SDCCAG8: variants seen among roughly 807,000 people sequenced by gnomAD.
SDCCAG8 encodes serologically defined colon cancer antigen 8.
Under a neutral mutation model 101.8 loss-of-function variants are expected in SDCCAG8, and 74 were observed. The observed-to-expected ratio is 0.73, with a 90% CI of 0.60 to 0.88. The LOEUF is 0.88. Among genes scored for constraint, SDCCAG8 ranks in the 40% least tolerant of loss-of-function variants. The pLI is 0.00. For missense variants in SDCCAG8, 787 were observed against 822.6 expected, an observed-to-expected ratio of 0.96 and a Z score of 0.53; for synonymous variants, 281 against 292.9, an observed-to-expected ratio of 0.96 and a Z score of 0.41.
chr1:243,411,322 G>T (rs899214038), intron 13 of SDCCAG8, among the ~76,000 whole-genome samples: 3 of 151,818 alleles, frequency 2.0e-5, no homozygotes, highest in Non-Finnish European at 4.4e-5. Flanking sequence ...GCACCAGGTT[G>T]CCCAGGCTGG....
chr1:243,362,923 G>A (rs1558356962), intron 12 of SDCCAG8, among the ~76,000 whole-genome samples: 1 of 152,190 alleles, frequency 6.6e-6, no homozygotes, highest in Non-Finnish European at 1.5e-5. Context: ...ACAACTGGGT[G>A]GTGAATATAG....
At chr1:243,452,933 TG>T (rs2083475258) in intron 16 of SDCCAG8, among the ~76,000 whole-genome samples, 1 of 152,228 alleles carries the variant, frequency 6.6e-6, no homozygotes, top group African/African-American at 2.4e-5. Context: ...CTTACTCTGT[TG>T]TTTTCCTTCT....
intron 9 of SDCCAG8, among the ~76,000 whole-genome samples, chr1:243,326,541 G>T (rs2074162893): frequency 6.6e-6 from 1 of 152,132 alleles, no homozygotes; most frequent in African/African-American, 2.4e-5. Context: ...TTGAAAAATG[G>T]TACATAGGGA....
chr1:243,463,320 G>T (rs1267060538), intron 16 of SDCCAG8, among the ~76,000 whole-genome samples: 1 of 152,282 alleles, frequency 6.6e-6, no homozygotes, highest in Admixed American at 6.5e-5. Flanking sequence ...TGGCTAGGGA[G>T]AGGCAGTGTA....
intron 16 of SDCCAG8, among the ~76,000 whole-genome samples, chr1:243,429,322 A>C (rs1259671579): frequency 6.6e-6 from 1 of 152,194 alleles, no homozygotes; most frequent in Non-Finnish European, 1.5e-5. Flanking sequence ...TAACATATAA[A>C]TATGTGTTAA....
chr1:243,495,206 C>G (rs1667489412), intron 17 of SDCCAG8, among the ~76,000 whole-genome samples: 1 of 152,230 alleles, frequency 6.6e-6, no homozygotes, highest in South Asian at 2.1e-4. Context: ...GGCCTCCACC[C>G]CGGCCTCATG....
At chr1:243,438,170 C>A (rs894024575) in intron 16 of SDCCAG8, among the ~76,000 whole-genome samples, 1 of 152,120 alleles carries the variant, frequency 6.6e-6, no homozygotes, top group Non-Finnish European at 1.5e-5. Flanking sequence ...TGTGCGCATC[C>A]GGGGGGAGGA....
intron 12 of SDCCAG8, among the ~76,000 whole-genome samples, chr1:243,366,854 C>T (rs956896722): frequency 6.6e-6 from 1 of 151,774 alleles, no homozygotes; most frequent in African/African-American, 2.4e-5. Flanking sequence ...GGTATATATA[C>T]ATGTATATAA....
chr1:243,378,806 A>G lies in SDCCAG8; in HGVS notation c.1559A>G (p.Glu520Gly). The G allele has an allele frequency of 5.0e-6, 8 of 1,614,136 alleles. No individual in the cohort carries two copies. The highest frequency in any genetic ancestry group is 6.8e-6 in the Non-Finnish European group (8 of 1,179,998). The change falls in exon 13 of 18, where the codon GAG becomes GGG. Residue 520 changes from glutamate (E) to glycine (G), a missense_variant. By Grantham distance (98) the Glu-to-Gly change is moderately conservative. Transcript: ENST00000366541. ...EQQKAALARE[E>G]CLRLTELLGE... The stretch of plus-strand genomic sequence containing the variant: ...CAGAAGGCAGCCCTGGCCAGAGAGG[A>G]GTGCCTGAGACTAACAGAACTGCTG...
intron 13 of SDCCAG8, among the ~76,000 whole-genome samples, chr1:243,399,473 A>C (rs2079231151): frequency 6.6e-6 from 1 of 152,110 alleles, no homozygotes; most frequent in Non-Finnish European, 1.5e-5. Context: ...GTAATTACGA[A>C]GTTCACTTCT....
At chr1:243,284,218 GTA>G (rs1282885604) in intron 4 of SDCCAG8, among the ~76,000 whole-genome samples, 3 of 152,220 alleles carry the variant, frequency 2.0e-5, no homozygotes, top group Non-Finnish European at 2.9e-5. Context: ...ACTGAGGTAA[GTA>G]GGCCTTTAGC....
At chr1:243,426,301 A>G (rs779469794) in intron 15 of SDCCAG8, 126 bp from the exon 16 acceptor site, 29 of 814,978 alleles carry the variant, frequency 3.6e-5, no homozygotes, top group Non-Finnish European at 5.6e-5. Context: ...TTTGCAAAGG[A>G]TGTAGTTTTC....
chr1:243,322,547 C>T (rs1171544559), intron 9 of SDCCAG8, among the ~76,000 whole-genome samples: 1 of 152,142 alleles, frequency 6.6e-6, no homozygotes, highest in South Asian at 2.1e-4. Flanking sequence ...TGCACTAGTC[C>T]CTTGGTTACA....
At chr1:243,421,374 C>G (rs1249597295) in intron 15 of SDCCAG8, among the ~76,000 whole-genome samples, 1 of 152,202 alleles carries the variant, frequency 6.6e-6, no homozygotes, top group Admixed American at 6.5e-5. Context: ...CACGTACGCC[C>G]TTACTCTCTG....
In SDCCAG8 at chr1:243,348,248, C is replaced by T. The variant is rs1198738245; in HGVS notation, c.1473+3917C>T. On this transcript the variant is annotated intron_variant, in intron 12 of 17. Transcript: ENST00000366541. Reference sequence around the variant, plus strand: ...TGTATTTTTAGTAGAGACGGGGTTTCGCCGTGTTAGCCAGGATGGTCTCGA... The same window carrying T: ...TGTATTTTTAGTAGAGACGGGGTTTTGCCGTGTTAGCCAGGATGGTCTCGA... Among the ~76,000 whole-genome samples the T allele has an allele frequency of 5.0e-5, 7 of 139,146 alleles. No homozygotes were observed. In the East Asian group the frequency reaches 1.0e-3, roughly 20 times the overall value. 91.3% of individuals were successfully genotyped at this position (139,146 alleles called of 152,430 possible). A position where few individuals can be genotyped will look rare whatever the true frequency, so the allele number is the denominator to read the frequency against.
chr1:243,366,580 A>G (rs189715516), intron 12 of SDCCAG8, among the ~76,000 whole-genome samples: 48 of 152,168 alleles, frequency 3.2e-4, no homozygotes, highest in African/African-American at 1.1e-3. Flanking sequence ...TAATATTAAT[A>G]CTTATAATTT....
chr1:243,258,560 A>G (rs2066942433), intron 1 of SDCCAG8, among the ~76,000 whole-genome samples: 1 of 152,068 alleles, frequency 6.6e-6, no homozygotes, highest in South Asian at 2.1e-4. Flanking sequence ...ACGCGCCACC[A>G]TGCCCGGCTA....
intron 16 of SDCCAG8, among the ~76,000 whole-genome samples, chr1:243,469,633 T>A (rs554982489): frequency 6.6e-6 from 1 of 152,320 alleles, no homozygotes; most frequent in South Asian, 2.1e-4. Context: ...GCCTGCATAC[T>A]AATGATAACT....
chr1:243,340,571 T>A (rs1291659917), intron 10 of SDCCAG8, among the ~76,000 whole-genome samples: 5 of 152,092 alleles, frequency 3.3e-5, no homozygotes, highest in Non-Finnish European at 7.4e-5. Context: ...TCTTTGTTGG[T>A]TTGCGGGAAG....
Sources: allele counts gnomAD v4.1 joint callset (sites outside exome capture counted in the v4.1 genomes callset), GRCh38; gene constraint gnomAD v4.1.1; transcripts MANE v1.5; gene names NCBI Gene and HGNC (gene_info 2026-07-23, HGNC 2026-07-21).